Variants in ELMO1 observed in about 807,000 individuals in gnomAD.
ELMO1 encodes the protein engulfment and cell motility protein 1.
A neutral mutation model predicts 98.9 loss-of-function variants in ELMO1; 26 were observed. The ratio of observed to expected loss-of-function variants is 0.26; its 90% CI spans 0.19 to 0.36. The LOEUF is 0.36. Ranked by LOEUF, ELMO1 falls within the 10% of genes least tolerant of loss-of-function variation. ELMO1 has a pLI of 1.00. For missense variants in ELMO1, 627 were observed against 935.2 expected (o/e 0.67, Z 4.30); for synonymous variants, 346 against 346.0 (o/e 1.00, Z 0.00).
chr7:36,903,026 C>A (rs1008203358), intron 16 of ELMO1, among the ~76,000 whole-genome samples: 9 of 152,320 alleles, frequency 5.9e-5, no homozygotes, highest in Non-Finnish European at 8.8e-5. Flanking sequence ...CCTGCTTAAA[C>A]CCTGCAGGGG....
intron 13 of ELMO1, among the ~76,000 whole-genome samples, chr7:37,195,421 C>A (rs6955617): frequency 0.28 from 41,989 of 152,146 alleles, 5,879 homozygotes; most frequent in Middle Eastern, 0.4. Flanking sequence ...ACCCTATTGC[C>A]TGGCATGATC....
Position 37,267,027 on chromosome 7 carries a change from ATATGT to A in ELMO1, c.243+4800_243+4804del, listed in dbSNP as rs1421029536. 1.5e-3 allele frequency among the ~76,000 whole-genome samples: 141 copies of A among 92,698 alleles called. 14 individuals are homozygous for A. The highest frequency in any genetic ancestry group is 5.5e-3 in the African/African-American group (119 of 21,536). The allele number at this position is 92,698 out of a possible 152,430, so 60.8% of individuals were successfully genotyped here. A position where few individuals can be genotyped will look rare whatever the true frequency, so the allele number is the denominator to read the frequency against. On this transcript the variant is annotated intron_variant, in intron 5 of 21. Coordinates refer to ENST00000310758, the MANE Select transcript of ELMO1 (RefSeq NM_014800.11). ...GACTCCATCTAAAAAAAAAAAAAAA[ATATGT>A]ATATATACACACACACACACACACA...
At chr7:37,160,728 C>T (rs1406891950) in intron 13 of ELMO1, among the ~76,000 whole-genome samples, 1 of 152,180 alleles carries the variant, frequency 6.6e-6, no homozygotes, top group African/African-American at 2.4e-5. Flanking sequence ...CTGTGCCCAC[C>T]AGTCACGTGG....
chr7:37,178,567 A>G (rs931222976), intron 13 of ELMO1, among the ~76,000 whole-genome samples: 1 of 152,044 alleles, frequency 6.6e-6, no homozygotes, highest in African/African-American at 2.4e-5. Flanking sequence ...ACACCACTGC[A>G]CTCCAGCCTG....
intron 1 of ELMO1, among the ~76,000 whole-genome samples, chr7:37,408,752 C>A (rs775713839): frequency 7.2e-5 from 11 of 151,994 alleles, no homozygotes; most frequent in Non-Finnish European, 1.5e-4. Context: ...TTGCCAGGGG[C>A]TGGGGAGAAG....
intron 16 of ELMO1, among the ~76,000 whole-genome samples, chr7:36,952,226 G>A (rs1237631378): frequency 1.3e-5 from 2 of 152,204 alleles, no homozygotes. Context: ...AGAGGATCCA[G>A]GCAGATTTGA....
At chr7:37,392,541 G>C (rs377043314) in intron 1 of ELMO1, among the ~76,000 whole-genome samples, 1 of 152,158 alleles carries the variant, frequency 6.6e-6, no homozygotes, top group South Asian at 2.1e-4. Flanking sequence ...GCGCTGCTAG[G>C]CTACCCCAGC....
intron 15 of ELMO1, among the ~76,000 whole-genome samples, chr7:37,050,795 T>C (rs140343051): frequency 6.4e-4 from 96 of 149,894 alleles, no homozygotes; most frequent in African/African-American, 2.3e-3. Flanking sequence ...ATTTGATAGA[T>C]GTAGAAGCCA....
intron 13 of ELMO1, among the ~76,000 whole-genome samples, chr7:37,188,487 T>TTAAA (rs1318399531): frequency 3.1e-5 from 1 of 32,048 alleles, no homozygotes; most frequent in Admixed American, 4.4e-4. Context: ...TGGAGAAAGG[T>TTAAA]AAAAAAAAAA....
chr7:37,275,001 G>A (rs1001296739), intron 4 of ELMO1, among the ~76,000 whole-genome samples: 3 of 152,142 alleles, frequency 2.0e-5, no homozygotes, highest in Admixed American at 6.5e-5. Flanking sequence ...CTATGCCCAC[G>A]TTAAAGATAA....
intron 14 of ELMO1, among the ~76,000 whole-genome samples, chr7:37,123,376 T>A (rs567052225): frequency 3.3e-5 from 5 of 152,016 alleles, no homozygotes; most frequent in Non-Finnish European, 7.4e-5. Context: ...TCAACAAAAC[T>A]GATAGACCAC....
intron 16 of ELMO1, among the ~76,000 whole-genome samples, chr7:36,937,233 G>A (rs559552672): frequency 4.3e-4 from 66 of 152,338 alleles, no homozygotes; most frequent in African/African-American, 1.6e-3. Context: ...AGTCATACTG[G>A]AGCAGAGTTG....
intron 7 of ELMO1, among the ~76,000 whole-genome samples, chr7:37,235,840 A>AAC (rs1486585180): frequency 6.6e-6 from 1 of 152,230 alleles, no homozygotes; most frequent in African/African-American, 2.4e-5. Flanking sequence ...CAGAAGGCTG[A>AAC]ACCCAGGAGG....
intron 6 of ELMO1, 104 bp from the exon 7 acceptor site, chr7:37,244,495 T>A: frequency 8.5e-7 from 1 of 1,172,642 alleles, no homozygotes; most frequent in Non-Finnish European, 1.2e-6. Context: ...TTAGGACAGA[T>A]TTAACTGCCA....
intron 16 of ELMO1, among the ~76,000 whole-genome samples, chr7:36,974,098 C>T (rs892024435): frequency 1.3e-5 from 2 of 152,254 alleles, no homozygotes; most frequent in South Asian, 4.1e-4. Context: ...CCAGTCCCAT[C>T]GACCACCCAA....
intron 4 of ELMO1, among the ~76,000 whole-genome samples, chr7:37,305,697 C>T (rs569635164): frequency 6.6e-6 from 1 of 152,234 alleles, no homozygotes; most frequent in South Asian, 2.1e-4. Flanking sequence ...TCTTATCTTA[C>T]AAAGAAAACT....
intron 14 of ELMO1, among the ~76,000 whole-genome samples, chr7:37,123,074 T>A (rs7779355): frequency 0.095 from 14,427 of 151,554 alleles, 863 homozygotes; most frequent in African/African-American, 0.16. Flanking sequence ...ATAAAGATGT[T>A]CTTTGAAACC....
chr7:36,961,280 T>TG (rs901574424), intron 16 of ELMO1, among the ~76,000 whole-genome samples: 1 of 152,162 alleles, frequency 6.6e-6, no homozygotes, highest in Non-Finnish European at 1.5e-5. Flanking sequence ...ATGTGTACCC[T>TG]GGGCCTGCCA....
chr7:37,368,472 A>C (rs1284619954), intron 1 of ELMO1, among the ~76,000 whole-genome samples: 1 of 152,146 alleles, frequency 6.6e-6, no homozygotes, highest in Non-Finnish European at 1.5e-5. Flanking sequence ...CCTCAGAAAT[A>C]AGCCTCAGAA....
Sources: allele counts gnomAD v4.1 joint callset (sites outside exome capture counted in the v4.1 genomes callset), GRCh38; gene constraint gnomAD v4.1.1; transcripts MANE v1.5; gene names NCBI Gene and HGNC (gene_info 2026-07-23, HGNC 2026-07-21).